The following NBPF9 variants were observed in gnomAD, a reference collection of about 807,000 sequenced individuals.
NBPF9 encodes the protein NBPF family member NBPF9.
A neutral mutation model predicts 97.8 loss-of-function variants in NBPF9; 91 were observed. The ratio of observed to expected loss-of-function variants is 0.93; its 90% CI spans 0.79 to 1.11. The LOEUF (loss-of-function observed/expected upper bound fraction) is 1.11, where lower values mean the gene tolerates loss of function less well. Among genes scored for constraint, NBPF9 ranks in the 50% least tolerant of loss-of-function variants. The probability of loss-of-function intolerance (pLI) is 0.00; values close to 1 mark genes in which losing one functional copy is unlikely to be tolerated. For missense variants in NBPF9, 992 were observed against 939.5 expected (o/e 1.06, Z -0.73); for synonymous variants, 334 against 359.5 (o/e 0.93, Z 0.80).
Position 149,090,856 on chromosome 1 carries a change from TATG to T in NBPF9, c.-301_-299del, listed in dbSNP as rs1438104409. 51 of 563,028 alleles carry T rather than the reference TATG, an allele frequency of 9.1e-5. No homozygotes were observed. In the East Asian group the frequency reaches 1.0e-3, roughly 11 times the overall value. The allele number at this position is 563,028 out of a possible 1,614,324, so 34.9% of individuals were successfully genotyped here. A position where few individuals can be genotyped will look rare whatever the true frequency, so the allele number is the denominator to read the frequency against. On this transcript the variant is annotated 5_prime_UTR_variant, in exon 5 of 30. Coordinates refer to ENST00000584027, the Ensembl canonical transcript of NBPF9. ...TTAGCAAGATCTGAGTTTCTCCAGG[TATG>T]ATATTATTTTGTTTGACCATCCTTA...
chr1:149,055,944 A>G, intron 29 of NBPF9, 45 bp from the exon 30 acceptor site: 8 of 1,611,934 alleles, frequency 5.0e-6, no homozygotes, highest in Non-Finnish European at 6.8e-6. Flanking sequence ...GGAAAATCAG[A>G]CACCACAGAG....
intron 5 of NBPF9, among the ~76,000 whole-genome samples, chr1:149,085,417 T>A (rs1298757909): frequency 6.6e-6 from 1 of 152,182 alleles, no homozygotes; most frequent in Non-Finnish European, 1.5e-5. Context: ...AACTTATTGC[T>A]TCTTCAATAT....
At chr1:149,064,002 A>ACACG (rs2078836515) in intron 19 of NBPF9, among the ~76,000 whole-genome samples, 197 bp from the exon 20 acceptor site, 1 of 109,638 alleles carries the variant, frequency 9.1e-6, no homozygotes, top group African/African-American at 4.0e-5. Context: ...AGACACACAC[A>ACACG]CACACACAGA....
intron 29 of NBPF9, among the ~76,000 whole-genome samples, chr1:149,056,163 G>T (rs1179299041): frequency 6.6e-6 from 1 of 151,632 alleles, no homozygotes; most frequent in Non-Finnish European, 1.5e-5. Flanking sequence ...TGACATACTG[G>T]TAAGGGAGTA....
chr1:149,075,662 G>T (rs9442084), exon 12 of NBPF9: 2 of 1,427,236 alleles, frequency 1.4e-6, no homozygotes, highest in South Asian at 1.2e-5. Flanking sequence ...TACTGTATTT[G>T]TTCTGCTGGT....
chr1:149,068,308 C>T (rs1481258755), intron 17 of NBPF9, among the ~76,000 whole-genome samples: 5 of 150,660 alleles, frequency 3.3e-5, no homozygotes, highest in African/African-American at 1.2e-4. Context: ...GGCTAAATGC[C>T]CCAGTTAAAA....
At chr1:149,088,222 T>TG (rs2081172097) in intron 5 of NBPF9, among the ~76,000 whole-genome samples, 35 of 152,380 alleles carry the variant, frequency 2.3e-4, no homozygotes, top group African/African-American at 7.5e-4. Context: ...TCATTGCTAA[T>TG]ATACAGAAAT....
intron 17 of NBPF9, 196 bp from the exon 18 acceptor site, chr1:149,065,885 G>T (rs587661302): frequency 8.3e-6 from 6 of 726,212 alleles, no homozygotes; most frequent in African/African-American, 1.8e-5. Flanking sequence ...AGCAAAAATG[G>T]GCAGCGTGTG....
exon 13 of NBPF9, chr1:149,073,822 C>G (rs1286051537): frequency 4.0e-6 from 6 of 1,514,760 alleles, no homozygotes; most frequent in African/African-American, 1.4e-5. Flanking sequence ...CTTGAACTGT[C>G]GCTCATTCCT....
intron 5 of NBPF9, among the ~76,000 whole-genome samples, chr1:149,086,836 G>A (rs1188958010): frequency 2.6e-5 from 4 of 152,124 alleles, no homozygotes; most frequent in Non-Finnish European, 5.9e-5. Context: ...ATAGCAGCCC[G>A]CCCCTCAGGT....
chr1:149,085,233 A>T (rs2080892803), intron 5 of NBPF9, among the ~76,000 whole-genome samples: 1 of 150,632 alleles, frequency 6.6e-6, no homozygotes, highest in African/African-American at 2.5e-5. Flanking sequence ...TAGATTTTTT[A>T]TGAATAAAAA....
intron 16 of NBPF9, 34 bp downstream of exon 16, chr1:149,070,900 G>C (rs1553652755): frequency 1.9e-6 from 3 of 1,599,230 alleles, no homozygotes; most frequent in Non-Finnish European, 1.7e-6. Flanking sequence ...TCAGCCTAGA[G>C]AGAGGTATGA....
intron 4 of NBPF9, among the ~76,000 whole-genome samples, chr1:149,098,046 G>T (rs587653581): frequency 6.6e-6 from 1 of 152,104 alleles, no homozygotes; most frequent in South Asian, 2.1e-4. Context: ...GGACAGGGAG[G>T]GGGTGAGCCA....
At chr1:149,064,172 C>G (rs373553680) in intron 19 of NBPF9, among the ~76,000 whole-genome samples, 2 of 139,068 alleles carry the variant, frequency 1.4e-5, no homozygotes, top group Admixed American at 7.2e-5. Context: ...ATAAAATGTG[C>G]TCAAGTTTCC....
At chr1:149,102,970 G>T (rs1260317136) in intron 1 of NBPF9, 123 bp from the exon 2 acceptor site, 5 of 151,638 alleles carry the variant, frequency 3.3e-5, no homozygotes, top group Admixed American at 6.6e-5. Flanking sequence ...CCTCGAGGGT[G>T]GGGTGCGGGG....
intron 17 of NBPF9, among the ~76,000 whole-genome samples, chr1:149,068,777 TAA>T (rs1272212171): frequency 6.7e-6 from 1 of 149,454 alleles, no homozygotes; most frequent in Non-Finnish European, 1.5e-5. Context: ...CAAGCAGACC[TAA>T]AAGACATCTA....
intron 5 of NBPF9, among the ~76,000 whole-genome samples, chr1:149,089,788 T>C (rs1405483594): frequency 6.6e-6 from 1 of 152,308 alleles, no homozygotes; most frequent in Non-Finnish European, 1.5e-5. Context: ...GCCTTTCTAA[T>C]TTGACATAAA....
At chr1:149,082,154 C>T (rs782553312) in exon 7 of NBPF9, 3 of 1,612,024 alleles carry the variant, frequency 1.9e-6, no homozygotes, top group Admixed American at 3.3e-5. Context: ...ACGTTTGTGG[C>T]AGAAGAGGTG....
intron 14 of NBPF9, among the ~76,000 whole-genome samples, chr1:149,071,911 G>T (rs150705934): frequency 1.1e-4 from 16 of 151,788 alleles, no homozygotes; most frequent in Non-Finnish European, 1.8e-4. Flanking sequence ...AAGACCTTTC[G>T]CTTCCCATAT....
Sources: gnomAD v4.1 joint callset for allele counts (sites outside exome capture counted in the v4.1 genomes callset) on GRCh38, gnomAD v4.1.1 for gene constraint, MANE v1.5 for transcripts, NCBI Gene and HGNC (gene_info 2026-07-23, HGNC 2026-07-21) for gene names.